The following PCDH15 variants were observed in gnomAD, a reference collection of about 807,000 sequenced individuals.
PCDH15 encodes the protein protocadherin related 15, also known as protocadherin-15.
PCDH15 carries 129 observed loss-of-function variants against 178.5 expected under a neutral mutation model. The observed-to-expected ratio is 0.72, with a 90% confidence interval of 0.63 to 0.84. The LOEUF (loss-of-function observed/expected upper bound fraction) is 0.84, where lower values mean the gene tolerates loss of function less well. Ranked by LOEUF, PCDH15 falls within the 40% of genes least tolerant of loss-of-function variation. PCDH15 has a pLI of 0.00. For missense variants in PCDH15, 2,230 were observed against 2,099.9 expected (o/e 1.06, Z -1.21); for synonymous variants, 800 against 732.0 (o/e 1.09, Z -1.50).
At chr10:54,476,791 T>C (rs1289289206) in intron 3 of PCDH15, among the ~76,000 whole-genome samples, 1 of 152,148 alleles carries the variant, frequency 6.6e-6, no homozygotes, top group Non-Finnish European at 1.5e-5. Flanking sequence ...TGGTCATCTA[T>C]GAATGAACAA....
At chr10:54,590,662 A>G (rs1381111526) in intron 2 of PCDH15, among the ~76,000 whole-genome samples, 1 of 152,180 alleles carries the variant, frequency 6.6e-6, no homozygotes, top group East Asian at 1.9e-4. Flanking sequence ...TCCTGCTCTG[A>G]TAGAAATCTG....
intron 2 of PCDH15, among the ~76,000 whole-genome samples, chr10:55,149,683 G>T (rs3847445): frequency 0.29 from 40,862 of 142,836 alleles, 5,689 homozygotes; most frequent in South Asian, 0.39. Context: ...TTTCACCAGG[G>T]AGAGATATCT....
chr10:54,044,620 T>C (rs2093621696), intron 18 of PCDH15, among the ~76,000 whole-genome samples: 1 of 152,076 alleles, frequency 6.6e-6, no homozygotes, highest in African/African-American at 2.4e-5. Flanking sequence ...GGCAGATGGA[T>C]GAAATGTATC....
chr10:54,905,551 A>C (rs1019424911), intron 2 of PCDH15, among the ~76,000 whole-genome samples: 1 of 152,136 alleles, frequency 6.6e-6, no homozygotes, highest in Non-Finnish European at 1.5e-5. Context: ...GCTTTGTAAT[A>C]GTTCAGATGA....
chr10:55,312,694 C>T (rs996664926), intron 1 of PCDH15, among the ~76,000 whole-genome samples: 3 of 151,898 alleles, frequency 2.0e-5, no homozygotes, highest in Non-Finnish European at 2.9e-5. Context: ...CTAGGCTCAC[C>T]GCAACCTCCG....
At chr10:53,918,677 C>G (rs2083731170) in intron 25 of PCDH15, among the ~76,000 whole-genome samples, 1 of 151,532 alleles carries the variant, frequency 6.6e-6, no homozygotes, top group Admixed American at 6.6e-5. Flanking sequence ...TAATGCTGCT[C>G]AAATAGGCGC....
intron 3 of PCDH15, among the ~76,000 whole-genome samples, chr10:54,516,711 G>A (rs1186791492): frequency 2.6e-5 from 4 of 151,390 alleles, no homozygotes; most frequent in Non-Finnish European, 4.4e-5. Flanking sequence ...TACAGAGAAC[G>A]CCACAAAGAT....
chr10:54,213,283 C>T (rs777263824), intron 10 of PCDH15, among the ~76,000 whole-genome samples: 23 of 151,864 alleles, frequency 1.5e-4, no homozygotes, highest in Non-Finnish European at 3.4e-4. Flanking sequence ...TGAAGTCCAT[C>T]GAAATTAATT....
At position 54,613,504 on chromosome 10, in the gene PCDH15, T is replaced by C. The variant is rs867634021; in HGVS notation, c.91+50668A>G. Among the ~76,000 whole-genome samples the C allele has an allele frequency of 8.6e-3, 1,277 of 148,482 alleles. 23 individuals carry two copies. Among genetic ancestry groups the C allele is most frequent in the African/African-American group, 0.03 (1,210 of 40,750 alleles). ...CTTTTGTCTCTCTCTCACACACACA[T>C]ACACACACACACACACACACTCACA... On this transcript the variant is annotated intron_variant, in intron 2 of 37. Transcript: ENST00000644397.
chr10:54,437,022 T>G (rs1440735487), intron 3 of PCDH15, among the ~76,000 whole-genome samples: 1 of 152,162 alleles, frequency 6.6e-6, no homozygotes, highest in African/African-American at 2.4e-5. Context: ...CTGATTTAAA[T>G]CATGAGAAAT....
intron 21 of PCDH15, among the ~76,000 whole-genome samples, chr10:53,986,165 CA>C (rs540855232): frequency 8.1e-5 from 12 of 148,772 alleles, no homozygotes; most frequent in East Asian, 7.9e-4. Flanking sequence ...ATAACTTTTT[CA>C]AAAAAAAACA....
chr10:55,478,469 C>T (rs536973065), intron 2 of PCDH15, among the ~76,000 whole-genome samples: 32 of 151,112 alleles, frequency 2.1e-4, no homozygotes, highest in South Asian at 4.2e-4. Context: ...ACACAATATA[C>T]CAAAACCTAT....
At chr10:55,022,311 G>C (rs1051127957) in intron 2 of PCDH15, among the ~76,000 whole-genome samples, 1 of 151,822 alleles carries the variant, frequency 6.6e-6, no homozygotes, top group Non-Finnish European at 1.5e-5. Flanking sequence ...AATTAGCTGG[G>C]CATGGTGGCA....
intron 2 of PCDH15, among the ~76,000 whole-genome samples, chr10:54,560,961 T>C (rs2088058536): frequency 1.3e-5 from 2 of 152,136 alleles, no homozygotes; most frequent in African/African-American, 4.8e-5. Context: ...TTCTGTAAAA[T>C]GATTTTGAAT....
intron 24 of PCDH15, among the ~76,000 whole-genome samples, chr10:53,940,183 C>A (rs1047523491): frequency 1.5e-5 from 2 of 131,092 alleles, no homozygotes; most frequent in African/African-American, 5.0e-5. Flanking sequence ...ATATACTAGG[C>A]TATCTAACAT....
At chr10:55,506,963 T>C (rs1840772623) in intron 2 of PCDH15, among the ~76,000 whole-genome samples, 1 of 151,548 alleles carries the variant, frequency 6.6e-6, no homozygotes, top group African/African-American at 2.4e-5. Flanking sequence ...AATAGTAACA[T>C]AGCTCATAAA....
intron 2 of PCDH15, among the ~76,000 whole-genome samples, chr10:55,084,371 T>C (rs974683901): frequency 6.6e-6 from 1 of 151,184 alleles, no homozygotes; most frequent in Non-Finnish European, 1.5e-5. Context: ...ATTATTCATA[T>C]ACAGAAGAAT....
chr10:54,477,883 A>C (rs1589618849), intron 3 of PCDH15, among the ~76,000 whole-genome samples: 2 of 152,294 alleles, frequency 1.3e-5, no homozygotes, highest in South Asian at 4.1e-4. Flanking sequence ...GCACTCAGCC[A>C]AATAAACAAA....
intron 2 of PCDH15, among the ~76,000 whole-genome samples, chr10:55,407,513 C>T (rs1838227380): frequency 6.6e-6 from 1 of 152,140 alleles, no homozygotes; most frequent in African/African-American, 2.4e-5. Flanking sequence ...ATCAAGCTTC[C>T]TGTCTATCAT....
Sources: gnomAD v4.1 joint callset for allele counts (sites outside exome capture counted in the v4.1 genomes callset) on GRCh38, gnomAD v4.1.1 for gene constraint, MANE v1.5 for transcripts, NCBI Gene and HGNC (gene_info 2026-07-23, HGNC 2026-07-21) for gene names.